RNF39: variants seen among roughly 807,000 people sequenced by gnomAD.
RNF39 encodes the protein ring finger protein 39, also known as LTP (long-term potentiation) induced RING finger protein.
In RNF39, 25 loss-of-function variants were observed where a neutral mutation model predicts 29.2. The observed-to-expected ratio is 0.86, with a 90% CI of 0.62 to 1.20. RNF39 has a LOEUF of 1.20. Among genes scored for constraint, RNF39 ranks in the 50% most tolerant of loss-of-function variants. The pLI is 0.00. For missense variants in RNF39, 519 were observed against 515.0 expected (o/e 1.01, Z -0.08); for synonymous variants, 219 against 229.0 (o/e 0.96, Z 0.40).
rs999745806 is a variant in RNF39, at chr6:30,074,414, G to A, written c.363+809C>T. On this transcript the variant is annotated intron_variant, in intron 1 of 3. Transcript: ENST00000244360. This position sits in a 1 kb window ranked among gnomAD's most constrained non-coding sequence, Gnocchi z 4.1. ...GGCTGGTTAGTGGCCAAGGAGCCGG[G>A]GCCCAGGAGAGGCGCGGGGGGTAGA... Among the ~76,000 whole-genome samples, 3 of 152,116 alleles carry A rather than the reference G, an allele frequency of 2.0e-5. No individual in the cohort carries two copies. Among genetic ancestry groups the A allele is most frequent in the African/African-American group, 7.2e-5 (3 of 41,426 alleles).
In RNF39 at chr6:30,071,189, G is replaced by C. The variant is rs1055486888; in HGVS notation, c.981C>G (p.Pro327=). The C allele has an allele frequency of 5.9e-6, 9 of 1,519,462 alleles. No homozygotes were observed. Among genetic ancestry groups the C allele is most frequent in the Admixed American group, 2.2e-5 (1 of 45,602 alleles). 94.1% of individuals were successfully genotyped at this position (1,519,462 alleles called of 1,614,324 possible). The change falls in exon 4 of 4, where the codon CCC becomes CCG. Residue 327 remains proline (P), a synonymous_variant. Coordinates refer to ENST00000244360, the MANE Select transcript of RNF39 (RefSeq NM_025236.4). This position sits in a 1 kb window ranked among gnomAD's most constrained non-coding sequence, Gnocchi z 5.0. ...DLLYAFQAPG[P]LGERIFPLFC... is the part of the protein sequence containing the mutation. ...ACAGCGGGAAGATGCGCTCCCCCAG[G>C]GGGCCAGGCGCCTGGAAGGCGTAAA... is the stretch of plus-strand genomic sequence containing the variant.
rs978277601 is a variant in RNF39, at chr6:30,074,143, T to G, written c.364-665A>C. Among the ~76,000 whole-genome samples the G allele has an allele frequency of 6.6e-6, 1 of 152,128 alleles. No individual in the cohort carries two copies. The highest frequency in any genetic ancestry group is 2.4e-5 in the African/African-American group (1 of 41,426). ...ATGGGAGCCAGGAGAGGGCACTGGATGCTCCCCTCCAAACACTGGGATACC... is the reference window on the plus strand; with the variant it reads ...ATGGGAGCCAGGAGAGGGCACTGGAGGCTCCCCTCCAAACACTGGGATACC... On this transcript the variant is annotated intron_variant, in intron 1 of 3. Coordinates refer to ENST00000244360, the MANE Select transcript of RNF39 (RefSeq NM_025236.4). This position sits in a 1 kb window ranked among gnomAD's most constrained non-coding sequence, Gnocchi z 4.1.
intron 1 of RNF39, 75 bp from the exon 2 acceptor site, chr6:30,073,553 C>A: frequency 6.4e-7 from 1 of 1,550,398 alleles, no homozygotes; most frequent in Non-Finnish European, 8.8e-7. Context: ...TATCTCTCCC[C>A]TCCTCAGGTG....
chr6:30,071,030 C>T lies in RNF39; in HGVS notation c.*81G>A, dbSNP rs1765902827. 2 of 1,174,640 alleles carry T rather than the reference C, an allele frequency of 1.7e-6. No individual in the cohort carries two copies. The highest frequency in any genetic ancestry group is 2.5e-6 in the Non-Finnish European group (2 of 803,904). 72.8% of individuals were successfully genotyped at this position (1,174,640 alleles called of 1,614,324 possible). ...TGCAATGGGCGTGTGAATGTGTTCC[C>T]AGAAATGAGTGGGGAATTCCACCCC... On this transcript the variant is annotated 3_prime_UTR_variant, in exon 4 of 4. Coordinates refer to ENST00000244360, the MANE Select transcript of RNF39 (RefSeq NM_025236.4). This position sits in a 1 kb window ranked among gnomAD's most constrained non-coding sequence, Gnocchi z 5.0.
chr6:30,073,876 C>T (rs1256157772), intron 1 of RNF39, among the ~76,000 whole-genome samples: 1 of 152,200 alleles, frequency 6.6e-6, no homozygotes, highest in Non-Finnish European at 1.5e-5. Context: ...TATCTACCTT[C>T]CCCAGTGCAT....
In RNF39 at chr6:30,072,667, C is replaced by G. The variant is rs1217012178; in HGVS notation, c.478+490G>C. 6.6e-6 allele frequency among the ~76,000 whole-genome samples: 1 copy of G among 151,962 alleles called. No homozygotes were observed. On this transcript the variant is annotated intron_variant, in intron 3 of 3. Coordinates refer to ENST00000244360, the MANE Select transcript of RNF39 (RefSeq NM_025236.4). This position sits in a 1 kb window ranked among gnomAD's most constrained non-coding sequence, Gnocchi z 4.5. Reference sequence around the variant, plus strand: ...CTGAACTGTGCCCTCCCCCACTCCACACACACACACAAAGATAGGTTGAAG... The same window carrying G: ...CTGAACTGTGCCCTCCCCCACTCCAGACACACACACAAAGATAGGTTGAAG...
Position 30,074,097 on chromosome 6 carries a change from C to T in RNF39, c.364-619G>A, listed in dbSNP as rs1294139502. Among the ~76,000 whole-genome samples, 1 of 152,158 alleles carries T rather than the reference C, an allele frequency of 6.6e-6. No homozygotes were observed. Among genetic ancestry groups the T allele is most frequent in the Non-Finnish European group, 1.5e-5 (1 of 68,034 alleles). Reference sequence around the variant, plus strand: ...TAGACTTGAATGTGTCCCAAAAGGCCCAGCAGATCCACAGAGTACTATGGG... The same window carrying T: ...TAGACTTGAATGTGTCCCAAAAGGCTCAGCAGATCCACAGAGTACTATGGG... On this transcript the variant is annotated intron_variant, in intron 1 of 3. Coordinates refer to ENST00000244360, the MANE Select transcript of RNF39 (RefSeq NM_025236.4). This position sits in a 1 kb window ranked among gnomAD's most constrained non-coding sequence, Gnocchi z 4.1.
chr6:30,075,651 G>A lies in RNF39; in HGVS notation c.-66C>T. ...GTGACCGCCTTCGAGCGCGCAGATG[G>A]CGGGCCGCCCCTGCTGCTTGCTGTG... On this transcript the variant is annotated 5_prime_UTR_variant, in exon 1 of 4. Coordinates refer to ENST00000244360, the MANE Select transcript of RNF39 (RefSeq NM_025236.4). 6.2e-7 allele frequency: 1 copy of A among 1,613,464 alleles called. No individual in the cohort carries two copies. Among genetic ancestry groups the A allele is most frequent in the Non-Finnish European group, 8.5e-7 (1 of 1,180,018 alleles).
Position 30,070,875 on chromosome 6 carries a change from G to T in RNF39, c.*236C>A, listed in dbSNP as rs1425420438. 4 of 698,920 alleles carry T rather than the reference G, an allele frequency of 5.7e-6. No individual in the cohort carries two copies. Among genetic ancestry groups the T allele is most frequent in the Admixed American group, 2.0e-5 (1 of 49,854 alleles). The allele number at this position is 698,920 out of a possible 1,614,324, so 43.3% of individuals were successfully genotyped here. ...GAAGTCAGGAAGTACTGTAGTAGCTGTAGGGGAGAGAAGATTCTGAGAGCC... is the reference window on the plus strand; with the variant it reads ...GAAGTCAGGAAGTACTGTAGTAGCTTTAGGGGAGAGAAGATTCTGAGAGCC... On this transcript the variant is annotated 3_prime_UTR_variant, in exon 4 of 4. Coordinates refer to ENST00000244360, the MANE Select transcript of RNF39 (RefSeq NM_025236.4).
chr6:30,073,347 A>G, intron 2 of RNF39, 99 bp from the exon 3 acceptor site: 3 of 1,530,586 alleles, frequency 2.0e-6, no homozygotes, highest in Non-Finnish European at 2.7e-6. Context: ...GGATGAGACT[A>G]TACCCCAGAA....
chr6:30,071,402 G>A lies in RNF39; in HGVS notation c.768C>T (p.Gly256=), dbSNP rs770023917. The part of the protein sequence containing the change: ...GAAGESVQRK[G]CVRLCPAGAV... ...CCCCCGCAGGGCACAGCCTTACGCA[G>A]CCCTTGCGTTGCACTGATTCCCCGG... The change falls in exon 4 of 4, where the codon GGC becomes GGT. Residue 256 remains glycine, a synonymous_variant. Transcript: ENST00000244360. This position sits in a 1 kb window ranked among gnomAD's most constrained non-coding sequence, Gnocchi z 5.0. The A allele has an allele frequency of 1.8e-4, 270 of 1,487,762 alleles. No homozygotes were observed. The highest frequency in any genetic ancestry group is 2.3e-4 in the Non-Finnish European group (264 of 1,127,900). 92.2% of individuals were successfully genotyped at this position (1,487,762 alleles called of 1,614,324 possible).
Position 30,075,384 on chromosome 6 carries a change from G to T in RNF39, c.202C>A (p.Leu68Met). 6.4e-7 allele frequency: 1 copy of T among 1,568,472 alleles called. No homozygotes were observed. Reference protein sequence around the residue: ...ASPTACPCCGLPCPRRSLRSN... With the variant: ...ASPTACPCCGMPCPRRSLRSN... The stretch of plus-strand genomic sequence containing the variant: ...CTCAGGCTGCGGCGGGGACACGGCA[G>T]GCCGCAGCAGGGACAGGCGGTGGGG... The change falls in exon 1 of 4, where the codon CTG becomes ATG. Residue 68 changes from leucine (L) to methionine (M), a missense_variant. Physicochemically the swap from Leu to Met is conservative, Grantham distance 15 (BLOSUM62 2). Transcript: ENST00000244360.
At chr6:30,073,854 C>T (rs1766192844) in intron 1 of RNF39, among the ~76,000 whole-genome samples, 3 of 152,136 alleles carry the variant, frequency 2.0e-5, no homozygotes, top group Admixed American at 1.3e-4. Flanking sequence ...TCTCTTTCAG[C>T]GGCCCCATCC....
rs1582391639 is a variant in RNF39, at chr6:30,071,794, A to C, written c.479-103T>G. 8.9e-6 allele frequency: 9 copies of C among 1,014,970 alleles called. No homozygotes were observed. In the African/African-American group the frequency reaches 1.6e-4, roughly 18 times the overall value. 62.9% of individuals were successfully genotyped at this position (1,014,970 alleles called of 1,614,324 possible). ...AACGAAGATCACGTAAAAGACTGAG[A>C]GCTAGTGACCACACAACAGCTCAAA... is the stretch of plus-strand genomic sequence containing the variant. On this transcript the variant is annotated intron_variant, in intron 3 of 3. Transcript: ENST00000244360. This position sits in a 1 kb window ranked among gnomAD's most constrained non-coding sequence, Gnocchi z 5.0.
In RNF39 at chr6:30,071,277, C is replaced by A. The variant is rs773383627; in HGVS notation, c.893G>T (p.Arg298Leu). The A allele has an allele frequency of 2.7e-5, 40 of 1,504,786 alleles. No homozygotes were observed. Among genetic ancestry groups the A allele is most frequent in the Admixed American group, 2.6e-4 (11 of 42,530 alleles). The allele number at this position is 1,504,786 out of a possible 1,614,324, so 93.2% of individuals were successfully genotyped here. A position where few individuals can be genotyped will look rare whatever the true frequency, so the allele number is the denominator to read the frequency against. Residue 298 changes from arginine (R) to leucine (L), a missense_variant, in exon 4 of 4, where the codon CGC (arginine) becomes CTC (leucine). Physicochemically the swap from Arg to Leu is moderately radical, Grantham distance 102. Transcript: ENST00000244360. The surrounding 1 kb of genome is among the most constrained non-coding windows in gnomAD (Gnocchi z 5.0). ...GCCCCGCTCCCAGTCCAGGTCCACGCGAATGCGCCGCGGCGGGGGCTCAAC... is the reference window on the plus strand; with the variant it reads ...GCCCCGCTCCCAGTCCAGGTCCACGAGAATGCGCCGCGGCGGGGGCTCAAC... ...GGVEPPPRRI[R>L]VDLDWERGRV...
intron 3 of RNF39, 51 bp downstream of exon 3, chr6:30,073,106 T>G (rs767960387): frequency 2.3e-6 from 3 of 1,305,700 alleles, no homozygotes; most frequent in East Asian, 4.6e-5. Context: ...AGGAAGAAAA[T>G]CTAACACAGA....
rs927191028 is a variant in RNF39, at chr6:30,074,895, C to G, written c.363+328G>C. On this transcript the variant is annotated intron_variant, in intron 1 of 3. Coordinates refer to ENST00000244360, the MANE Select transcript of RNF39 (RefSeq NM_025236.4). The surrounding 1 kb of genome is among the most constrained non-coding windows in gnomAD (Gnocchi z 4.1). The stretch of plus-strand genomic sequence containing the variant: ...CCAAAACTTCTGCAGTTCCCATGCC[C>G]TTCGCGGCGACTCCAGGGCTCTCCG... 2.6e-4 allele frequency among the ~76,000 whole-genome samples: 39 copies of G among 152,174 alleles called. No individual in the cohort carries two copies. The highest frequency in any genetic ancestry group is 3.4e-3 in the Middle Eastern group (1 of 294).
rs1347694303 is a variant in RNF39 at position 30,074,658 on chromosome 6, C to T, written c.363+565G>A. ...GCCCCAACCCCTTGCTCCCTTCCTC[C>T]ATCCTCTTGTCAGTCCCCTCCTCCC... On this transcript the variant is annotated intron_variant, in intron 1 of 3. Transcript: ENST00000244360. This position sits in a 1 kb window ranked among gnomAD's most constrained non-coding sequence, Gnocchi z 4.1. Among the ~76,000 whole-genome samples, 1 of 150,936 alleles carries T rather than the reference C, an allele frequency of 6.6e-6. No individual in the cohort carries two copies. Among genetic ancestry groups the T allele is most frequent in the African/African-American group, 2.4e-5 (1 of 41,344 alleles).
rs760957796 is a variant in RNF39 at position 30,071,054 on chromosome 6, C to A, written c.*57G>T. 1.5e-6 allele frequency: 2 copies of A among 1,379,196 alleles called. No homozygotes were observed. The highest frequency in any genetic ancestry group is 1.4e-5 in the African/African-American group (1 of 69,798). The allele number at this position is 1,379,196 out of a possible 1,614,324, so 85.4% of individuals were successfully genotyped here. A position where few individuals can be genotyped will look rare whatever the true frequency, so the allele number is the denominator to read the frequency against. Reference sequence around the variant, plus strand: ...CCAGAAATGAGTGGGGAATTCCACCCCCAAAAAGCAGCTGCAGGGCCAGTG... The same window carrying A: ...CCAGAAATGAGTGGGGAATTCCACCACCAAAAAGCAGCTGCAGGGCCAGTG... On this transcript the variant is annotated 3_prime_UTR_variant, in exon 4 of 4. Coordinates refer to ENST00000244360, the MANE Select transcript of RNF39 (RefSeq NM_025236.4). This position sits in a 1 kb window ranked among gnomAD's most constrained non-coding sequence, Gnocchi z 5.0.
Sources: gnomAD v4.1 joint callset for allele counts (sites outside exome capture counted in the v4.1 genomes callset) on GRCh38, gnomAD v4.1.1 for gene constraint, Gnocchi (gnomAD v3.1) non-coding constraint, MANE v1.5 for transcripts, NCBI Gene and HGNC (gene_info 2026-07-23, HGNC 2026-07-21) for gene names.